The following NAPA variants were observed in gnomAD, a reference collection of about 807,000 sequenced individuals.
The protein encoded by NAPA is NSF attachment protein alpha.
NAPA carries 18 observed loss-of-function variants against 48.0 expected under a neutral mutation model. The observed-to-expected ratio is 0.38, with a 90% confidence interval of 0.26 to 0.56. NAPA has a LOEUF of 0.56. Among genes scored for constraint, NAPA ranks in the 20% least tolerant of loss-of-function variants. NAPA has a pLI of 0.77. For synonymous variants in NAPA, 152 were observed against 149.9 expected (o/e 1.01, Z -0.10); for missense variants, 315 against 385.0 (o/e 0.82, Z 1.52).
intron 1 of NAPA, among the ~76,000 whole-genome samples, chr19:47,512,294 C>G (rs975157736): frequency 1.3e-5 from 2 of 152,122 alleles, no homozygotes; most frequent in African/African-American, 4.8e-5. Flanking sequence ...TCCCCGGCCC[C>G]ACTCCCCAGC....
chr19:47,503,985 A>G (rs1300249070), intron 1 of NAPA, among the ~76,000 whole-genome samples: 1 of 152,196 alleles, frequency 6.6e-6, no homozygotes, highest in African/African-American at 2.4e-5. Context: ...GCAGCCCTGG[A>G]GTGTGTCATT....
Position 47,493,077 on chromosome 19 carries a change from T to C in NAPA, c.477-32A>G, listed in dbSNP as rs756343658. 1.6e-5 allele frequency: 26 copies of C among 1,613,732 alleles called. No individual in the cohort carries two copies. The Admixed American group carries it at 3.7e-4, about 23-fold the overall frequency. On this transcript the variant is annotated intron_variant, in intron 6 of 10. Transcript: ENST00000263354. The surrounding 1 kb of genome is among the most constrained non-coding windows in gnomAD (Gnocchi z 6.4). ...GGGGAGGAGTAGTGAGGGGAAGTGG[T>C]GGCGGTCCCTGCGGGGCTGGGGCAG...
chr19:47,503,579 C>T (rs1162817592), intron 1 of NAPA, 77 bp from the exon 2 acceptor site: 18 of 1,364,370 alleles, frequency 1.3e-5, no homozygotes, highest in South Asian at 4.7e-5. Flanking sequence ...GCTCCAGTGC[C>T]GGGCACAGAC....
chr19:47,493,457 T>C lies in NAPA; in HGVS notation c.379A>G (p.Ile127Val), dbSNP rs774144496. ...FTIAAKHHISIAEIYETELVD... is the reference protein window; with the variant it reads ...FTIAAKHHISVAEIYETELVD... Reference sequence around the variant, plus strand: ...AACTCTGTCTCATAGATCTCAGCAATGGAGATGTGGTGCTTGGCCGCAATC... The same window carrying C: ...AACTCTGTCTCATAGATCTCAGCAACGGAGATGTGGTGCTTGGCCGCAATC... Residue 127 changes from isoleucine (I) to valine (V), a missense_variant, in exon 5 of 11, where the codon ATT becomes GTT. Ile to Val is a conservative substitution (Grantham distance 29, BLOSUM62 3). Around this residue, in one of 3 missense-constraint regions of NAPA, gnomAD observed 173 missense variants for 213.5 expected, o/e 0.81. Coordinates refer to ENST00000263354, the MANE Select transcript of NAPA (RefSeq NM_003827.4). This position sits in a 1 kb window ranked among gnomAD's most constrained non-coding sequence, Gnocchi z 6.4. The C allele has an allele frequency of 5.0e-6, 8 of 1,613,768 alleles. No homozygotes were observed. The highest frequency in any genetic ancestry group is 3.3e-5 in the South Asian group (3 of 91,072).
chr19:47,492,261 G>C (rs1247592615), intron 7 of NAPA, 142 bp from the exon 8 acceptor site: 3 of 686,816 alleles, frequency 4.4e-6, no homozygotes, highest in Non-Finnish European at 7.4e-6. Context: ...CCAAGGGCAG[G>C]GAGCCAGGGA....
rs769392055 is a variant in NAPA, at chr19:47,493,446, G to C, written c.390C>G (p.Ile130Met). 2 of 1,614,078 alleles carry C rather than the reference G, an allele frequency of 1.2e-6. No homozygotes were observed. The highest frequency in any genetic ancestry group is 8.5e-7 in the Non-Finnish European group (1 of 1,179,994). ...CGATGTCCACCAACTCTGTCTCATAGATCTCAGCAATGGAGATGTGGTGCT... is the reference window on the plus strand; with the variant it reads ...CGATGTCCACCAACTCTGTCTCATACATCTCAGCAATGGAGATGTGGTGCT... ...AAKHHISIAE[I>M]YETELVDIEK... The change falls in exon 5 of 11, where the codon ATC becomes ATG. Residue 130 changes from isoleucine to methionine, a missense_variant. Physicochemically the swap from Ile to Met is conservative, Grantham distance 10. Around this residue, in one of 3 missense-constraint regions of NAPA, gnomAD observed 173 missense variants for 213.5 expected, o/e 0.81. Coordinates refer to ENST00000263354, the MANE Select transcript of NAPA (RefSeq NM_003827.4). The surrounding 1 kb of genome is among the most constrained non-coding windows in gnomAD (Gnocchi z 6.4).
chr19:47,498,281 T>C (rs1968482955), intron 3 of NAPA, among the ~76,000 whole-genome samples: 1 of 152,018 alleles, frequency 6.6e-6, no homozygotes, highest in South Asian at 2.1e-4. Context: ...CAGGCAAGGT[T>C]CCAAATCGGG....
intron 8 of NAPA, 79 bp downstream of exon 8, chr19:47,491,936 T>A: frequency 1.5e-6 from 2 of 1,310,276 alleles, no homozygotes; most frequent in Admixed American, 1.7e-5. Flanking sequence ...ACGTCCCTCT[T>A]CGGGGGCAAC....
intron 1 of NAPA, among the ~76,000 whole-genome samples, chr19:47,510,590 C>G (rs1016153858): frequency 6.6e-6 from 1 of 152,098 alleles, no homozygotes; most frequent in Non-Finnish European, 1.5e-5. Context: ...CGTTTGTATC[C>G]AAGAGGAAGG....
At chr19:47,512,458 T>C (rs1281565382) in intron 1 of NAPA, among the ~76,000 whole-genome samples, 1 of 152,102 alleles carries the variant, frequency 6.6e-6, no homozygotes, top group East Asian at 1.9e-4. Flanking sequence ...TTGCTGTTCA[T>C]CCTGCCTTCC....
chr19:47,511,644 A>G (rs1434127562), intron 1 of NAPA, among the ~76,000 whole-genome samples: 1 of 152,198 alleles, frequency 6.6e-6, no homozygotes, highest in Non-Finnish European at 1.5e-5. Flanking sequence ...AAGGCTCTGG[A>G]ATCACACAGA....
chr19:47,488,695 G>A (rs1334031942), intron 10 of NAPA: 2 of 172,086 alleles, frequency 1.2e-5, no homozygotes, highest in Admixed American at 6.2e-5. Context: ...TGAGGCGGGC[G>A]GATCACGAGG....
chr19:47,503,515 G>C lies in NAPA; in HGVS notation c.99-13C>G, dbSNP rs761787903. On this transcript the variant is annotated splice_polypyrimidine_tract_variant and intron_variant, in intron 1 of 10. Transcript: ENST00000263354. ...TTTGGATGAGCCTCTGGGGAAAAAG[G>C]AAAGAAAAAAAGGAGACAATCTAGT... 1.2e-6 allele frequency: 2 copies of C among 1,612,546 alleles called. No individual in the cohort carries two copies. The highest frequency in any genetic ancestry group is 1.7e-6 in the Non-Finnish European group (2 of 1,178,890).
chr19:47,497,860 G>A (rs114062569), intron 3 of NAPA, among the ~76,000 whole-genome samples: 2,261 of 152,336 alleles, frequency 0.015, 40 homozygotes, highest in Middle Eastern at 0.054. Flanking sequence ...ATGGCAGCTG[G>A]GGAGGAAGTG....
chr19:47,505,936 C>T (rs1403418428), intron 1 of NAPA, among the ~76,000 whole-genome samples: 1 of 152,008 alleles, frequency 6.6e-6, no homozygotes, highest in Non-Finnish European at 1.5e-5. Context: ...CTCTGTCTTC[C>T]CTCACCCACC....
At chr19:47,500,322 G>C (rs564459195) in intron 3 of NAPA, among the ~76,000 whole-genome samples, 1 of 152,098 alleles carries the variant, frequency 6.6e-6, no homozygotes. Flanking sequence ...CTCTCTCCCC[G>C]GCAGGCGGTG....
chr19:47,509,516 A>G (rs771779978), intron 1 of NAPA, among the ~76,000 whole-genome samples: 15 of 152,246 alleles, frequency 9.9e-5, no homozygotes, highest in Non-Finnish European at 1.6e-4. Flanking sequence ...GCAGCACCCC[A>G]CGGCGTGCCC....
At position 47,493,088 on chromosome 19, in the gene NAPA, G is replaced by T; in HGVS notation, c.476+31C>A. 2 of 1,614,030 alleles carry T rather than the reference G, an allele frequency of 1.2e-6. No individual in the cohort carries two copies. The highest frequency in any genetic ancestry group is 1.3e-5 in the African/African-American group (1 of 75,030). ...GTGAGGGGAAGTGGTGGCGGTCCCT[G>T]CGGGGCTGGGGCAGGCAGGAAGGGG... On this transcript the variant is annotated intron_variant, in intron 6 of 10. Transcript: ENST00000263354. This position sits in a 1 kb window ranked among gnomAD's most constrained non-coding sequence, Gnocchi z 6.4.
rs201846233 is a variant in NAPA at position 47,514,855 on chromosome 19, G to T, written c.86C>A (p.Ser29Tyr). ...RKVKNSQSFF[S>Y]GLFGGSSKIE... ...GCCCGGTTCTCACCCAAAGAGGCCAGAGAAGAAGGACTGCGAGTTCTTCAC... is the reference window on the plus strand; with the variant it reads ...GCCCGGTTCTCACCCAAAGAGGCCATAGAAGAAGGACTGCGAGTTCTTCAC... Residue 29 changes from serine (S) to tyrosine (Y), a missense_variant, in exon 1 of 11, where the codon TCT becomes TAT. By Grantham distance (144) the Ser-to-Tyr change is moderately radical. This residue lies in a region of NAPA where 173 missense variants were observed against 213.5 expected (regional missense o/e 0.81). Transcript: ENST00000263354. 5.6e-6 allele frequency: 9 copies of T among 1,613,884 alleles called. No individual in the cohort carries two copies. In the South Asian group the frequency reaches 9.9e-5, roughly 18 times the overall value.
Sources: gnomAD v4.1 joint callset for allele counts (sites outside exome capture counted in the v4.1 genomes callset) on GRCh38, gnomAD v4.1.1 for gene constraint, gnomAD v4.1.1 regional missense constraint, Gnocchi (gnomAD v3.1) non-coding constraint, MANE v1.5 for transcripts, NCBI Gene and HGNC (gene_info 2026-07-23, HGNC 2026-07-21) for gene names.